The following CCDC191 variants were observed in gnomAD, a reference collection of about 807,000 sequenced individuals.
The protein encoded by CCDC191 is coiled-coil domain containing 191.
A neutral mutation model predicts 114.0 loss-of-function variants in CCDC191; 99 were observed. That is an observed-to-expected ratio of 0.87 (90% CI 0.74 to 1.03). The LOEUF is 1.03. CCDC191 is among the 50% of genes least tolerant of loss of function. The pLI is 0.00. For missense variants in CCDC191, 973 were observed against 1,087.0 expected (o/e 0.90, Z 1.47); for synonymous variants, 351 against 376.0 (o/e 0.93, Z 0.77).
chr3:114,011,816 T>C (rs2076075102), intron 8 of CCDC191, among the ~76,000 whole-genome samples: 1 of 152,226 alleles, frequency 6.6e-6, no homozygotes, highest in African/African-American at 2.4e-5. Flanking sequence ...AATGGGAATC[T>C]GCATTAGGAG....
At chr3:114,032,703 T>C (rs569966360) in intron 6 of CCDC191, among the ~76,000 whole-genome samples, 2 of 152,316 alleles carry the variant, frequency 1.3e-5, no homozygotes, top group Non-Finnish European at 2.9e-5. Context: ...CACAGTGTTA[T>C]GTTGTATTAT....
At chr3:114,045,505 G>A (rs2076617478) in intron 3 of CCDC191, among the ~76,000 whole-genome samples, 1 of 152,072 alleles carries the variant, frequency 6.6e-6, no homozygotes, top group South Asian at 2.1e-4. Flanking sequence ...CCAAGTAGCT[G>A]GGATTACAGG....
intron 13 of CCDC191, among the ~76,000 whole-genome samples, chr3:113,999,726 C>T (rs1015333367): frequency 3.3e-5 from 5 of 152,146 alleles, no homozygotes; most frequent in African/African-American, 1.2e-4. Context: ...AAAACTGTGT[C>T]ATGAGTATTT....
At chr3:114,055,450 G>A (rs2076758489) in intron 1 of CCDC191, among the ~76,000 whole-genome samples, 1 of 152,168 alleles carries the variant, frequency 6.6e-6, no homozygotes, top group African/African-American at 2.4e-5. Flanking sequence ...AGTATCTAGG[G>A]CAACATATTT....
intron 13 of CCDC191, among the ~76,000 whole-genome samples, chr3:113,990,340 T>C (rs2075515399): frequency 6.6e-6 from 1 of 151,954 alleles, no homozygotes; most frequent in African/African-American, 2.4e-5. Flanking sequence ...AAACTTAGAT[T>C]AAATGCTCAA....
At chr3:114,032,178 G>T (rs1324407541) in intron 6 of CCDC191, among the ~76,000 whole-genome samples, 1 of 152,038 alleles carries the variant, frequency 6.6e-6, no homozygotes, top group Non-Finnish European at 1.5e-5. Context: ...TTACTAAAAG[G>T]CCTCTTATAA....
rs572045412 is a variant in CCDC191 at position 113,980,708 on chromosome 3, C to T, written c.2249G>A (p.Arg750Lys). The T allele has an allele frequency of 6.2e-7, 1 of 1,607,994 alleles. No homozygotes were observed. The highest frequency in any genetic ancestry group is 1.1e-5 in the South Asian group (1 of 89,542). ...CTTCCAAGGCTCTAGACCTTTTTTC[C>T]TTAGCAAGACCCTTTCATAATGTTC... ...AKEHYERVLL[R>K]KKGLEPWKRL... Residue 750 changes from arginine to lysine, a missense_variant, in exon 14 of 17, where the codon AGG (arginine) becomes AAG (lysine). Physicochemically the swap from Arg to Lys is conservative, Grantham distance 26 (BLOSUM62 2). Coordinates refer to ENST00000295878, the MANE Select transcript of CCDC191 (RefSeq NM_020817.2).
At chr3:114,025,716 A>T (rs1296476239) in intron 7 of CCDC191, among the ~76,000 whole-genome samples, 1 of 152,160 alleles carries the variant, frequency 6.6e-6, no homozygotes, top group Non-Finnish European at 1.5e-5. Flanking sequence ...GAAAAGGCAG[A>T]CCTACGGCTC....
chr3:114,020,846 T>C (rs1310713994), intron 7 of CCDC191, among the ~76,000 whole-genome samples: 1 of 152,188 alleles, frequency 6.6e-6, no homozygotes, highest in Non-Finnish European at 1.5e-5. Flanking sequence ...TTGATAATAA[T>C]AACACTATTA....
chr3:114,012,451 G>A (rs919169825), intron 8 of CCDC191, among the ~76,000 whole-genome samples: 1 of 152,022 alleles, frequency 6.6e-6, no homozygotes, highest in Non-Finnish European at 1.5e-5. Flanking sequence ...TATAATATAG[G>A]TGGTAATAAA....
intron 7 of CCDC191, among the ~76,000 whole-genome samples, chr3:114,029,712 T>C (rs2076377250): frequency 6.6e-6 from 1 of 152,138 alleles, no homozygotes; most frequent in Non-Finnish European, 1.5e-5. Flanking sequence ...TACGTCCTCC[T>C]TGTTAGGATA....
rs1411163741 is a variant in CCDC191 at position 113,965,222 on chromosome 3, C to T, written c.2744G>A (p.Arg915Lys). The T allele has an allele frequency of 6.2e-7, 1 of 1,612,184 alleles. No homozygotes were observed. The highest frequency in any genetic ancestry group is 8.5e-7 in the Non-Finnish European group (1 of 1,179,296). Reference sequence around the variant, plus strand: ...TGATTGCTGATATAGCTCGTGGTACCTTCCAGGTACCTGGAAGTCTGGAAG... The same window carrying T: ...TGATTGCTGATATAGCTCGTGGTACTTTCCAGGTACCTGGAAGTCTGGAAG... The part of the protein sequence containing the change: ...EILPDFQVPG[R>K]YHELYQQSDT... The change falls in exon 17 of 17, where the codon AGG becomes AAG. Residue 915 changes from arginine (R) to lysine (K), a missense_variant. Physicochemically the swap from Arg to Lys is conservative, Grantham distance 26 (BLOSUM62 2). Transcript: ENST00000295878.
At chr3:113,978,757 G>GA (rs2075029175) in intron 15 of CCDC191, 101 bp downstream of exon 15, 3 of 1,308,726 alleles carry the variant, frequency 2.3e-6, no homozygotes, top group Non-Finnish European at 2.1e-6. Context: ...TTTTGTTCTT[G>GA]AAAAAACATA....
chr3:113,965,562 T>C (rs1325353535), intron 16 of CCDC191, among the ~76,000 whole-genome samples: 2 of 152,110 alleles, frequency 1.3e-5, no homozygotes, highest in African/African-American at 2.4e-5. Context: ...GACTGATTGA[T>C]TGATAGGTTA....
chr3:114,028,051 C>A (rs2076349629), intron 7 of CCDC191, among the ~76,000 whole-genome samples: 1 of 152,060 alleles, frequency 6.6e-6, no homozygotes, highest in African/African-American at 2.4e-5. Flanking sequence ...TACCATGTTA[C>A]CCCATATACG....
chr3:114,009,815 A>G (rs2076037317), intron 9 of CCDC191, among the ~76,000 whole-genome samples: 1 of 152,210 alleles, frequency 6.6e-6, no homozygotes, highest in Non-Finnish European at 1.5e-5. Context: ...ATTGTTCACA[A>G]TGGCGGCAAA....
chr3:114,018,785 G>T lies in CCDC191; in HGVS notation c.1056C>A (p.Asp352Glu). The T allele has an allele frequency of 6.2e-7, 1 of 1,613,864 alleles. No individual in the cohort carries two copies. The highest frequency in any genetic ancestry group is 8.5e-7 in the Non-Finnish European group (1 of 1,179,860). ...GCAGGACCTTCAGCTGAATCTTCCA[G>T]TCAGACAGGGTCCCAGCTTTCCCCA... ...IKLGKAGTLS[D>E]WKIQLKVLRA... The change falls in exon 8 of 17, where the codon GAC (aspartate) becomes GAA (glutamate). Residue 352 changes from aspartate to glutamate, a missense_variant. Coordinates refer to ENST00000295878, the MANE Select transcript of CCDC191 (RefSeq NM_020817.2).
intron 13 of CCDC191, among the ~76,000 whole-genome samples, chr3:113,986,289 A>G (rs933984155): frequency 2.0e-5 from 3 of 152,334 alleles, no homozygotes; most frequent in East Asian, 3.9e-4. Flanking sequence ...TGAAAGGCAA[A>G]AAGAGTGAAA....
At chr3:113,972,073 T>G (rs1940875174) in intron 16 of CCDC191, among the ~76,000 whole-genome samples, 1 of 152,094 alleles carries the variant, frequency 6.6e-6, no homozygotes, top group African/African-American at 2.4e-5. Context: ...TCAATTCATT[T>G]ATTTCTGCTT....
Sources: allele counts gnomAD v4.1 joint callset (sites outside exome capture counted in the v4.1 genomes callset), GRCh38; gene constraint gnomAD v4.1.1; transcripts MANE v1.5; gene names NCBI Gene and HGNC (gene_info 2026-07-23, HGNC 2026-07-21).